CACNA2D3: variants seen among roughly 807,000 people sequenced by gnomAD.
CACNA2D3 encodes the protein voltage-dependent calcium channel subunit alpha-2/delta-3.
A neutral mutation model predicts 160.6 loss-of-function variants in CACNA2D3; 60 were observed. The ratio of observed to expected loss-of-function variants is 0.37; its 90% CI spans 0.30 to 0.46. CACNA2D3 has a LOEUF of 0.46. CACNA2D3 is among the 20% of genes least tolerant of loss of function. The probability of loss-of-function intolerance (pLI) is 1.00; values close to 1 mark genes in which losing one functional copy is unlikely to be tolerated. For missense variants in CACNA2D3, 1,205 were observed against 1,365.0 expected (o/e 0.88, Z 1.85); for synonymous variants, 558 against 492.9 (o/e 1.13, Z -1.75).
chr3:54,995,455 A>T (rs1004516856), intron 31 of CACNA2D3, among the ~76,000 whole-genome samples: 2 of 152,104 alleles, frequency 1.3e-5, no homozygotes, highest in African/African-American at 4.8e-5. Flanking sequence ...CAGACCCAGG[A>T]CCACAACTTT....
intron 5 of CACNA2D3, among the ~76,000 whole-genome samples, chr3:54,510,774 T>C (rs1472746857): frequency 6.6e-6 from 1 of 152,176 alleles, no homozygotes; most frequent in Non-Finnish European, 1.5e-5. Flanking sequence ...TAAATTGTCA[T>C]TTTGAGCATT....
At chr3:54,186,307 G>A in intron 2 of CACNA2D3, among the ~76,000 whole-genome samples, 1 of 152,206 alleles carries the variant, frequency 6.6e-6, no homozygotes, top group Non-Finnish European at 1.5e-5. Flanking sequence ...TTTTCAAATA[G>A]TAATTTTAAG....
At chr3:54,425,978 A>T (rs1354523172) in intron 4 of CACNA2D3, among the ~76,000 whole-genome samples, 1 of 152,244 alleles carries the variant, frequency 6.6e-6, no homozygotes, top group Non-Finnish European at 1.5e-5. Flanking sequence ...CCTCAGAGAC[A>T]GTAGCCACCT....
chr3:54,856,811 C>T (rs540623252), intron 17 of CACNA2D3, among the ~76,000 whole-genome samples: 1 of 152,270 alleles, frequency 6.6e-6, no homozygotes, highest in Admixed American at 6.5e-5. Context: ...GACAGAATTT[C>T]ACTTTGTTGC....
chr3:54,767,335 C>T (rs899017372), intron 13 of CACNA2D3, among the ~76,000 whole-genome samples: 1 of 152,090 alleles, frequency 6.6e-6, no homozygotes, highest in African/African-American at 2.4e-5. Flanking sequence ...ACTCTCTACC[C>T]CTCAATCTAG....
intron 2 of CACNA2D3, among the ~76,000 whole-genome samples, chr3:54,185,261 A>G (rs1450788862): frequency 6.6e-6 from 1 of 152,214 alleles, no homozygotes; most frequent in Non-Finnish European, 1.5e-5. Context: ...AAAAAGAAAT[A>G]CTTACATCAG....
chr3:54,917,459 G>A lies in CACNA2D3; in HGVS notation c.2449+17591G>A, dbSNP rs554875425. Among the ~76,000 whole-genome samples, 16 of 152,278 alleles carry A rather than the reference G, an allele frequency of 1.1e-4. No homozygotes were observed. In the South Asian group the frequency reaches 3.3e-3, roughly 32 times the overall value. On this transcript the variant is annotated intron_variant, in intron 27 of 37. Coordinates refer to ENST00000474759, the MANE Select transcript of CACNA2D3 (RefSeq NM_018398.3). ...CCCAGTGTGGGGAGTAGACAATCTGGGTGGTGGACAACAGCTGCTGGCTTC... is the reference window on the plus strand; with the variant it reads ...CCCAGTGTGGGGAGTAGACAATCTGAGTGGTGGACAACAGCTGCTGGCTTC...
chr3:54,922,552 A>G (rs1385545325), intron 27 of CACNA2D3, among the ~76,000 whole-genome samples: 1 of 152,148 alleles, frequency 6.6e-6, no homozygotes, highest in Non-Finnish European at 1.5e-5. Context: ...ATTTACTATT[A>G]CATTGTTGAG....
chr3:54,444,558 C>G (rs982112232), intron 4 of CACNA2D3, among the ~76,000 whole-genome samples: 1 of 152,166 alleles, frequency 6.6e-6, no homozygotes, highest in Admixed American at 6.5e-5. Flanking sequence ...ACTTTTCTCT[C>G]ATTTTGCCCA....
At chr3:54,605,320 A>G (rs78010370) in intron 9 of CACNA2D3, among the ~76,000 whole-genome samples, 1,705 of 152,252 alleles carry the variant, frequency 0.011, 39 homozygotes, top group African/African-American at 0.039. Context: ...ACTGGTTGAA[A>G]CCCACATGCC....
At chr3:54,287,745 T>C (rs1559909710) in intron 2 of CACNA2D3, among the ~76,000 whole-genome samples, 1 of 146,118 alleles carries the variant, frequency 6.8e-6, no homozygotes, top group Non-Finnish European at 1.5e-5. Flanking sequence ...CACAGTGCAA[T>C]GAAACTAGAA....
At chr3:54,214,475 C>A (rs563778932) in intron 2 of CACNA2D3, among the ~76,000 whole-genome samples, 2 of 152,318 alleles carry the variant, frequency 1.3e-5, no homozygotes, top group East Asian at 3.9e-4. Context: ...AGCCAAAGGG[C>A]AGGACCTGGT....
In CACNA2D3 at chr3:54,313,558, C is replaced by T. The variant is rs56754716; in HGVS notation, c.205-6884C>T. On this transcript the variant is annotated intron_variant, in intron 2 of 37. Transcript: ENST00000474759. ...AAACTCTTACTCCTAGCACACCGCC[C>T]TTGATGACCTGGCCTCTGCTCACTT... is the stretch of plus-strand genomic sequence containing the variant. 3.7e-3 allele frequency among the ~76,000 whole-genome samples: 569 copies of T among 152,228 alleles called. 12 individuals are homozygous for T. The East Asian group carries it at 0.062, about 17-fold the overall frequency.
intron 9 of CACNA2D3, among the ~76,000 whole-genome samples, chr3:54,606,775 G>A (rs773931325): frequency 1.3e-5 from 2 of 152,086 alleles, no homozygotes; most frequent in Admixed American, 6.6e-5. Context: ...AGAAGACGAC[G>A]TGGCCTGAAG....
intron 35 of CACNA2D3, among the ~76,000 whole-genome samples, chr3:55,058,459 T>C (rs992748641): frequency 5.3e-5 from 8 of 151,866 alleles, no homozygotes; most frequent in African/African-American, 1.9e-4. Flanking sequence ...TAAAAATGAG[T>C]ACATAGAAGA....
chr3:54,830,616 A>G (rs1230437599), intron 14 of CACNA2D3, among the ~76,000 whole-genome samples: 1 of 151,784 alleles, frequency 6.6e-6, no homozygotes, highest in Non-Finnish European at 1.5e-5. Context: ...CACCACGCCC[A>G]GCTAATTTTT....
At chr3:54,669,211 G>T (rs1302212841) in intron 11 of CACNA2D3, among the ~76,000 whole-genome samples, 1 of 152,148 alleles carries the variant, frequency 6.6e-6, no homozygotes, top group East Asian at 1.9e-4. Context: ...TTTTCATCTT[G>T]AAATCCTTAA....
At chr3:54,933,182 C>T (rs1701246276) in intron 27 of CACNA2D3, among the ~76,000 whole-genome samples, 1 of 151,160 alleles carries the variant, frequency 6.6e-6, no homozygotes, top group Non-Finnish European at 1.5e-5. Flanking sequence ...ACATAGAAAA[C>T]TAGGAATATA....
At chr3:54,467,262 T>G (rs531423175) in intron 4 of CACNA2D3, among the ~76,000 whole-genome samples, 1 of 152,334 alleles carries the variant, frequency 6.6e-6, no homozygotes, top group East Asian at 1.9e-4. Context: ...TGTGCTGCCC[T>G]TGACAGCCCA....
Sources: allele counts gnomAD v4.1 joint callset (sites outside exome capture counted in the v4.1 genomes callset), GRCh38; gene constraint gnomAD v4.1.1; transcripts MANE v1.5; gene names NCBI Gene and HGNC (gene_info 2026-07-23, HGNC 2026-07-21).